Variants in SZT2 observed in about 807,000 individuals in gnomAD.
SZT2 encodes SZT2 subunit of KICSTOR complex, also known as KICSTOR complex protein SZT2.
SZT2 carries 216 observed loss-of-function variants against 404.2 expected under a neutral mutation model. The observed-to-expected ratio is 0.53, with a 90% CI of 0.48 to 0.60. SZT2 has a LOEUF of 0.60. SZT2 is among the 20% of genes least tolerant of loss of function. The pLI, the probability that SZT2 is intolerant of heterozygous loss-of-function variation, is 0.00. For missense variants in SZT2, 3,857 were observed against 4,459.2 expected (o/e 0.86, Z 3.85); for synonymous variants, 1,693 against 1,749.9 (o/e 0.97, Z 0.81).
rs779563217 is a variant in SZT2, at chr1:43,404,390, C to T, written c.338C>T (p.Thr113Ile). 11 of 1,612,976 alleles carry T rather than the reference C, an allele frequency of 6.8e-6. No individual in the cohort carries two copies. The Admixed American group carries it at 1.8e-4, about 27-fold the overall frequency. Reference sequence around the variant, plus strand: ...TTTCTCTGCCCTCAGGATGATTCCACAGGGGAGATCTTGTTTGATGAAGTT... The same window carrying T: ...TTTCTCTGCCCTCAGGATGATTCCATAGGGGAGATCTTGTTTGATGAAGTT... The part of the protein sequence containing the change: ...SPSTGIVDDS[T>I]GEILFDEVFH... Residue 113 changes from threonine (T) to isoleucine (I), a missense_variant, in exon 4 of 72, where the codon ACA becomes ATA. Coordinates refer to ENST00000634258, the MANE Select transcript of SZT2 (RefSeq NM_001365999.1).
chr1:43,412,289 A>C (rs1398977525), intron 4 of SZT2: 1 of 152,250 alleles, frequency 6.6e-6, no homozygotes, highest in Admixed American at 6.5e-5. Context: ...CGCTCTGCAT[A>C]AACTCTGGTA....
At chr1:43,428,661 C>G in intron 28 of SZT2, 175 bp downstream of exon 28, 1 of 830,300 alleles carries the variant, frequency 1.2e-6, no homozygotes. Context: ...CAATTTGGCA[C>G]AGGCAGCAGT....
In SZT2 at chr1:43,442,263, T is replaced by C. The variant is rs778766516; in HGVS notation, c.7874-5T>C. Reference sequence around the variant, plus strand: ...CCCCTATTGTGCCCCTCCCCCACCCTGTAGCTGCCAAAGCCATGCAGCGCT... The same window carrying C: ...CCCCTATTGTGCCCCTCCCCCACCCCGTAGCTGCCAAAGCCATGCAGCGCT... On this transcript the variant is annotated splice_polypyrimidine_tract_variant and splice_region_variant and intron_variant, in intron 56 of 71. Transcript: ENST00000634258. This position sits in a 1 kb window ranked among gnomAD's most constrained non-coding sequence, Gnocchi z 4.5. 9 of 1,612,012 alleles carry C rather than the reference T, an allele frequency of 5.6e-6. No homozygotes were observed. The highest frequency in any genetic ancestry group is 1.3e-5 in the African/African-American group (1 of 74,868).
rs147748994 is a variant in SZT2 at position 43,432,589 on chromosome 1, C to T, written c.5515C>T (p.Arg1839Cys). 1.8e-4 allele frequency: 285 copies of T among 1,613,678 alleles called. 1 individual carries two copies. Among genetic ancestry groups the T allele is most frequent in the Non-Finnish European group, 2.1e-4 (252 of 1,179,780 alleles). The change falls in exon 38 of 72, where the codon CGC (arginine) becomes TGC (cysteine). Residue 1839 changes from arginine to cysteine, a missense_variant. Coordinates refer to ENST00000634258, the MANE Select transcript of SZT2 (RefSeq NM_001365999.1). Reference sequence around the variant, plus strand: ...GGGTGTCCCCCTCATCAGCCTGCCCCGCGTGCCACAGGGAGGTAAGAGAGG... The same window carrying T: ...GGGTGTCCCCCTCATCAGCCTGCCCTGCGTGCCACAGGGAGGTAAGAGAGG... The part of the protein sequence containing the change: ...SEGVPLISLP[R>C]VPQGGSQPGP...
At chr1:43,432,163 C>A in intron 36 of SZT2, 109 bp from the exon 37 acceptor site, 1 of 1,247,350 alleles carries the variant, frequency 8.0e-7, no homozygotes, top group Non-Finnish European at 1.1e-6. Flanking sequence ...GTGGGGATGC[C>A]AGCATCTGCT....
In SZT2 at chr1:43,438,688, GC is replaced by G. The variant is rs1654729295; in HGVS notation, c.6509-10del. On this transcript the variant is annotated splice_polypyrimidine_tract_variant and intron_variant, in intron 46 of 71. Transcript: ENST00000634258. ...CCAGTGTCCCCACCTTCCCACCATG[GC>G]TGTGTCAAGGTCCTGAGATCACGGA... is the stretch of plus-strand genomic sequence containing the variant. 1.2e-6 allele frequency: 2 copies of G among 1,612,594 alleles called. No homozygotes were observed. Among genetic ancestry groups the G allele is most frequent in the Non-Finnish European group, 1.7e-6 (2 of 1,178,860 alleles).
chr1:43,447,297 C>A, intron 66 of SZT2, 129 bp downstream of exon 66: 2 of 1,154,562 alleles, frequency 1.7e-6, no homozygotes, highest in Non-Finnish European at 2.4e-6. Flanking sequence ...GTCACACATA[C>A]CACGTCCCCA....
chr1:43,439,800 T>C lies in SZT2; in HGVS notation c.7042+31T>C, dbSNP rs756720259. 5.1e-6 allele frequency: 8 copies of C among 1,567,458 alleles called. No individual in the cohort carries two copies. The highest frequency in any genetic ancestry group is 6.9e-6 in the Non-Finnish European group (8 of 1,154,726). On this transcript the variant is annotated intron_variant, in intron 50 of 71. Transcript: ENST00000634258. The surrounding 1 kb of genome is among the most constrained non-coding windows in gnomAD (Gnocchi z 4.2). ...ACAGCTTGGTCAGAGGATGAGGTGT[T>C]CAGTTATTGCTGTGGGAGGTAAGGG...
rs754885010 is a variant in SZT2 at position 43,433,164 on chromosome 1, C to G, written c.5778C>G (p.Asp1926Glu). 6.2e-7 allele frequency: 1 copy of G among 1,613,856 alleles called. No homozygotes were observed. Among genetic ancestry groups the G allele is most frequent in the Non-Finnish European group, 8.5e-7 (1 of 1,180,034 alleles). ...GGCTCATTGTCCGGGTCCTGCAGGA[C>G]CGTGTGGAAGTGTATGCACATGCAC... Reference protein sequence around the residue: ...DFWLIVRVLQDRVEVYAHARS... With the variant: ...DFWLIVRVLQERVEVYAHARS... Residue 1926 changes from aspartate to glutamate, a missense_variant, in exon 40 of 72, where the codon GAC (aspartate) becomes GAG (glutamate). Physicochemically the swap from Asp to Glu is conservative, Grantham distance 45. This residue lies in a region of SZT2 where 1,725 missense variants were observed against 1,881.0 expected (regional missense o/e 0.92). Transcript: ENST00000634258.
In SZT2 at chr1:43,425,172, C is replaced by T. The variant is rs1652986569; in HGVS notation, c.2610C>T (p.Ile870=). ...EEKHTCVVQY[I]LFPPHSTSTK... ...AGCACACCTGTGTTGTCCAGTACAT[C>T]CTCTTCCCCCCACACTCTACCTCCA... The change falls in exon 18 of 72, where the codon ATC becomes ATT. Residue 870 remains isoleucine (I), a synonymous_variant. Coordinates refer to ENST00000634258, the MANE Select transcript of SZT2 (RefSeq NM_001365999.1). The surrounding 1 kb of genome is among the most constrained non-coding windows in gnomAD (Gnocchi z 4.3). The T allele has an allele frequency of 3.1e-6, 5 of 1,614,194 alleles. No homozygotes were observed. The highest frequency in any genetic ancestry group is 4.2e-6 in the Non-Finnish European group (5 of 1,180,026).
intron 7 of SZT2, among the ~76,000 whole-genome samples, chr1:43,417,442 T>C (rs758035386): frequency 1.5e-4 from 23 of 152,192 alleles, no homozygotes; most frequent in Non-Finnish European, 2.4e-4. Flanking sequence ...TGTGGTAGAG[T>C]GAGGATAAGA....
In SZT2 at chr1:43,450,324, G is replaced by C; in HGVS notation, c.10156-13G>C. The C allele has an allele frequency of 6.2e-7, 1 of 1,613,798 alleles. No individual in the cohort carries two copies. The highest frequency in any genetic ancestry group is 8.5e-7 in the Non-Finnish European group (1 of 1,179,900). ...CTCCTCTCACCAGTGCATCCCCACC[G>C]TGTTCCCCACAGTCTCTGACAGTGG... On this transcript the variant is annotated splice_polypyrimidine_tract_variant and intron_variant, in intron 71 of 71. Coordinates refer to ENST00000634258, the MANE Select transcript of SZT2 (RefSeq NM_001365999.1). This position sits in a 1 kb window ranked among gnomAD's most constrained non-coding sequence, Gnocchi z 4.3.
Position 43,453,490 on chromosome 1 carries a change from T to C in SZT2, c.*3010T>C. 1.9e-6 allele frequency: 3 copies of C among 1,555,198 alleles called. No homozygotes were observed. The highest frequency in any genetic ancestry group is 2.6e-6 in the Non-Finnish European group (3 of 1,148,744). The stretch of plus-strand genomic sequence containing the variant: ...CCCCCAGCCCCATTTCCCCCTTCTC[T>C]TGGTCTCCTGCAGAGAGAACGGGCC... On this transcript the variant is annotated 3_prime_UTR_variant, in exon 72 of 72. Transcript: ENST00000634258.
Position 43,453,916 on chromosome 1 carries a change from G to A in SZT2, c.*3436G>A. ...CTGCGAACGAACGAGCACTGTTCGT[G>A]GTTAGAAAAGCGAAGTGCTGTAAAA... is the stretch of plus-strand genomic sequence containing the variant. On this transcript the variant is annotated 3_prime_UTR_variant, in exon 72 of 72. Transcript: ENST00000634258. 8.3e-7 allele frequency: 1 copy of A among 1,209,212 alleles called. No individual in the cohort carries two copies. The highest frequency in any genetic ancestry group is 4.1e-5 in the South Asian group (1 of 24,578). 74.9% of individuals were successfully genotyped at this position (1,209,212 alleles called of 1,614,324 possible). A position where few individuals can be genotyped will look rare whatever the true frequency, so the allele number is the denominator to read the frequency against.
chr1:43,451,873 C>T lies in SZT2; in HGVS notation c.*1393C>T, dbSNP rs756063365. 8 of 1,613,970 alleles carry T rather than the reference C, an allele frequency of 5.0e-6. No individual in the cohort carries two copies. The highest frequency in any genetic ancestry group is 3.3e-5 in the South Asian group (3 of 91,064). ...CTGTAAGAGAAGCCAGGGAGGGGAC[C>T]GTGAGCCTCAAGAGCACAGGAATCA... On this transcript the variant is annotated 3_prime_UTR_variant, in exon 72 of 72. Coordinates refer to ENST00000634258, the MANE Select transcript of SZT2 (RefSeq NM_001365999.1).
chr1:43,450,673 AC>A lies in SZT2; in HGVS notation c.*196del. ...GCAGCAGGAACCGCCCTCCCCAAAC[AC>A]CCACAGCCACTGACCCATCCAGGAC... On this transcript the variant is annotated 3_prime_UTR_variant, in exon 72 of 72. Transcript: ENST00000634258. The surrounding 1 kb of genome is among the most constrained non-coding windows in gnomAD (Gnocchi z 4.3). 1.2e-6 allele frequency: 1 copy of A among 820,446 alleles called. No homozygotes were observed. The highest frequency in any genetic ancestry group is 1.9e-6 in the Non-Finnish European group (1 of 519,138). The allele number at this position is 820,446 out of a possible 1,614,324, so 50.8% of individuals were successfully genotyped here. A position where few individuals can be genotyped will look rare whatever the true frequency, so the allele number is the denominator to read the frequency against.
rs760494083 is a variant in SZT2, at chr1:43,451,474, A to G, written c.*994A>G. ...CTTCATCTTCCAGCAGTTGAAACAG[A>G]TAGGGGAAATTCAGCTCTCCGGGGC... On this transcript the variant is annotated 3_prime_UTR_variant, in exon 72 of 72. Transcript: ENST00000634258. 1 of 1,614,094 alleles carries G rather than the reference A, an allele frequency of 6.2e-7. No homozygotes were observed. The highest frequency in any genetic ancestry group is 1.1e-5 in the South Asian group (1 of 91,090).
In SZT2 at chr1:43,448,473, G is replaced by T; in HGVS notation, c.9958G>T (p.Asp3320Tyr). Reference sequence around the variant, plus strand: ...CCATGCCAAATCCATTGGGGACATCGACCCCCAGCTGGTAAGGAACTGTGG... The same window carrying T: ...CCATGCCAAATCCATTGGGGACATCTACCCCCAGCTGGTAAGGAACTGTGG... ...AVHAKSIGDIDPQLDCFLSMT... is the reference protein window; with the variant it reads ...AVHAKSIGDIYPQLDCFLSMT... The change falls in exon 69 of 72, where the codon GAC becomes TAC. Residue 3320 changes from aspartate (D) to tyrosine (Y), a missense_variant. Asp to Tyr is a radical substitution (Grantham distance 160, BLOSUM62 -3). Around this residue, in one of 7 missense-constraint regions of SZT2, gnomAD observed 717 missense variants for 868.2 expected, o/e 0.83. Transcript: ENST00000634258. This position sits in a 1 kb window ranked among gnomAD's most constrained non-coding sequence, Gnocchi z 4.2. The T allele has an allele frequency of 4.4e-6, 7 of 1,608,878 alleles. No individual in the cohort carries two copies. The highest frequency in any genetic ancestry group is 5.1e-6 in the Non-Finnish European group (6 of 1,177,614).
intron 63 of SZT2, 90 bp downstream of exon 63, chr1:43,446,074 C>G: frequency 6.3e-7 from 1 of 1,582,206 alleles, no homozygotes; most frequent in Middle Eastern, 1.7e-4. Context: ...ACCGAGGTCA[C>G]TGATCCCAGA....
Sources: gnomAD v4.1 joint callset for allele counts (sites outside exome capture counted in the v4.1 genomes callset) on GRCh38, gnomAD v4.1.1 for gene constraint, gnomAD v4.1.1 regional missense constraint, Gnocchi (gnomAD v3.1) non-coding constraint, MANE v1.5 for transcripts, NCBI Gene and HGNC (gene_info 2026-07-23, HGNC 2026-07-21) for gene names.